Variants in OVCH1 observed in about 807,000 individuals in gnomAD.
The protein encoded by OVCH1 is ovochymase 1, also known as ovochymase-1.
Under a neutral mutation model 138.4 loss-of-function variants are expected in OVCH1, and 139 were observed. The observed-to-expected ratio is 1.00, with a 90% CI of 0.87 to 1.16. The LOEUF (loss-of-function observed/expected upper bound fraction) is 1.16, where lower values mean the gene tolerates loss of function less well. OVCH1 is among the 50% of genes most tolerant of loss of function. OVCH1 has a pLI of 0.00. For synonymous variants in OVCH1, 453 were observed against 467.8 expected, an observed-to-expected ratio of 0.97 and a Z score of 0.41; for missense variants, 1,367 against 1,357.9, an observed-to-expected ratio of 1.01 and a Z score of -0.11.
chr12:29,413,268 A>G lies in OVCH1; in HGVS notation c.*72-543T>C, dbSNP rs554220266. Among the ~76,000 whole-genome samples the G allele has an allele frequency of 5.9e-5, 9 of 152,232 alleles. No homozygotes were observed. In the South Asian group the frequency reaches 6.2e-4, roughly 11 times the overall value. On this transcript the variant is annotated intron_variant and NMD_transcript_variant, in intron 3 of 4. Transcript: ENST00000539117. The stretch of plus-strand genomic sequence containing the variant: ...TTACCAGTTTGCTCCAGGTATTACC[A>G]TATCCTCCCACGACAATAGGAACAT...
chr12:29,413,821 T>C (rs1262447464), intron 3 of OVCH1, among the ~76,000 whole-genome samples: 1 of 152,220 alleles, frequency 6.6e-6, no homozygotes, highest in Non-Finnish European at 1.5e-5. Context: ...CTTAAAAAAA[T>C]TGTATAAACT....
At chr12:29,482,059 A>C (rs1020186007) in intron 8 of OVCH1, among the ~76,000 whole-genome samples, 1 of 152,180 alleles carries the variant, frequency 6.6e-6, no homozygotes, top group African/African-American at 2.4e-5. Flanking sequence ...CCAGTAATAA[A>C]AGTGATCTTT....
intron 18 of OVCH1, among the ~76,000 whole-genome samples, chr12:29,462,534 T>C (rs1158405202): frequency 2.0e-5 from 3 of 152,034 alleles, no homozygotes; most frequent in South Asian, 2.1e-4. Flanking sequence ...TTTATTTTCA[T>C]ATTTGATCCT....
intron 16 of OVCH1, among the ~76,000 whole-genome samples, chr12:29,471,093 T>C (rs1942492122): frequency 6.6e-6 from 1 of 152,006 alleles, no homozygotes; most frequent in Admixed American, 6.6e-5. Flanking sequence ...AAATTTAGCA[T>C]AGTATTTCTT....
At chr12:29,427,688 T>A (rs1428574173) in intron 27 of OVCH1, 1 of 1,542,544 alleles carries the variant, frequency 6.5e-7, no homozygotes, top group Admixed American at 2.0e-5. Flanking sequence ...CCACTCAGTC[T>A]ATGGTATTTG....
chr12:29,407,865 G>GGGATGGCATT (rs1218560419), downstream of OVCH1, among the ~76,000 whole-genome samples: 1 of 151,020 alleles, frequency 6.6e-6, no homozygotes, highest in Non-Finnish European at 1.5e-5. Flanking sequence ...TAGCTTGATG[G>GGGATGGCATT]GGATGGCATT....
At chr12:29,458,371 C>CAA (rs1180333941) in intron 19 of OVCH1, among the ~76,000 whole-genome samples, 16 of 141,616 alleles carry the variant, frequency 1.1e-4, no homozygotes, top group African/African-American at 3.8e-4. Flanking sequence ...GACAAAGGTG[C>CAA]AAAAAAAAAA....
intron 5 of OVCH1, among the ~76,000 whole-genome samples, 162 bp downstream of exon 5, chr12:29,490,935 T>C (rs763400113): frequency 2.0e-5 from 3 of 152,314 alleles, no homozygotes; most frequent in Non-Finnish European, 4.4e-5. Flanking sequence ...TTTTTAAAAG[T>C]ATAAGCCTTT....
At chr12:29,406,574 TGA>T in the OVCH1 span, among the ~76,000 whole-genome samples, 60 of 149,808 alleles carry the variant, frequency 4.0e-4, no homozygotes, top group East Asian at 0.011. Context: ...TTTGTTCTTG[TGA>T]TAGTTTACTG....
At chr12:29,470,751 G>A (rs903426714) in intron 16 of OVCH1, among the ~76,000 whole-genome samples, 1 of 152,066 alleles carries the variant, frequency 6.6e-6, no homozygotes, top group South Asian at 2.1e-4. Flanking sequence ...TGATTGCTAG[G>A]TCAATTGGTA....
intron 26 of OVCH1, among the ~76,000 whole-genome samples, chr12:29,435,180 T>A (rs1354777327): frequency 1.3e-5 from 2 of 152,168 alleles, no homozygotes; most frequent in Non-Finnish European, 2.9e-5. Context: ...TTGGTCAAAA[T>A]GAAACATTTT....
intron 17 of OVCH1, 150 bp from the exon 18 acceptor site, chr12:29,464,852 T>C (rs1185098469): frequency 3.1e-5 from 23 of 749,876 alleles, no homozygotes; most frequent in Admixed American, 1.2e-4. Flanking sequence ...AAGAGCAATA[T>C]TGGTTTACAA....
chr12:29,478,778 T>C, intron 9 of OVCH1, 57 bp downstream of exon 10: 3 of 1,256,542 alleles, frequency 2.4e-6, no homozygotes, highest in Non-Finnish European at 2.1e-6. Flanking sequence ...CTTTAGCATC[T>C]CTTTGGTCTT....
At chr12:29,434,154 C>A (rs1941317410) in intron 26 of OVCH1, among the ~76,000 whole-genome samples, 1 of 152,044 alleles carries the variant, frequency 6.6e-6, no homozygotes, top group East Asian at 1.9e-4. Flanking sequence ...CACATATGAA[C>A]TAATCAAACA....
intron 18 of OVCH1, among the ~76,000 whole-genome samples, chr12:29,462,606 C>G (rs576185778): frequency 6.6e-6 from 1 of 151,890 alleles, no homozygotes; most frequent in East Asian, 1.9e-4. Flanking sequence ...GATTTATGAC[C>G]AATTTTTTTA....
At chr12:29,481,378 A>C (rs1035631126) in intron 8 of OVCH1, among the ~76,000 whole-genome samples, 1 of 152,092 alleles carries the variant, frequency 6.6e-6, no homozygotes, top group Non-Finnish European at 1.5e-5. Flanking sequence ...AATAGATGCT[A>C]ATACTCATTG....
intron 8 of OVCH1, among the ~76,000 whole-genome samples, chr12:29,479,824 CTTT>C (rs34551074): frequency 0.033 from 4,286 of 128,380 alleles, 192 homozygotes; most frequent in African/African-American, 0.11. Flanking sequence ...TCTTTTTTTT[CTTT>C]TTTTTTTTTT....
intron 3 of OVCH1, 131 bp from the exon 4 acceptor site, chr12:29,495,588 AT>A (rs1364717714): frequency 1.0e-5 from 8 of 764,866 alleles, no homozygotes; most frequent in Admixed American, 3.3e-5. Context: ...GGTTTTCCTT[AT>A]TATTGAGTAT....
chr12:29,433,819 A>G, intron 26 of OVCH1: 1 of 1,392,348 alleles, frequency 7.2e-7, no homozygotes, highest in Non-Finnish European at 9.6e-7. Flanking sequence ...TCATACTAAA[A>G]TTAAGTAAAA....
Sources: allele counts gnomAD v4.1 joint callset (sites outside exome capture counted in the v4.1 genomes callset), GRCh38; gene constraint gnomAD v4.1.1; transcripts MANE v1.5; gene names NCBI Gene and HGNC (gene_info 2026-07-23, HGNC 2026-07-21).